Variants in UQCC1 observed in about 807,000 individuals in gnomAD.
The protein encoded by UQCC1 is ubiquinol-cytochrome c reductase complex assembly factor 1.
UQCC1 carries 38 observed loss-of-function variants against 48.0 expected under a neutral mutation model. The ratio of observed to expected loss-of-function variants is 0.79; its 90% CI spans 0.61 to 1.04. The LOEUF is 1.04. Ranked by LOEUF, UQCC1 falls within the 50% of genes least tolerant of loss-of-function variation. UQCC1 has a pLI of 0.00. For missense variants in UQCC1, 368 were observed against 381.8 expected, an observed-to-expected ratio of 0.96 and a Z score of 0.30; for synonymous variants, 111 against 129.2, an observed-to-expected ratio of 0.86 and a Z score of 0.95.
At chr20:35,336,147 T>C (rs2061314357) in intron 7 of UQCC1, among the ~76,000 whole-genome samples, 1 of 152,232 alleles carries the variant, frequency 6.6e-6, no homozygotes, top group African/African-American at 2.4e-5. Context: ...GCTAGAGCCA[T>C]AGTTTTTAGT....
At chr20:35,366,758 C>A in intron 5 of UQCC1, 144 bp from the exon 6 acceptor site, 2 of 625,296 alleles carry the variant, frequency 3.2e-6, no homozygotes, top group South Asian at 2.2e-5. Context: ...AGGGCGAGAC[C>A]ACAGGATAAA....
rs79605280 is a variant in UQCC1 at position 35,376,343 on chromosome 20, C to T, written c.334-2087G>A. Among the ~76,000 whole-genome samples, 571 of 151,966 alleles carry T rather than the reference C, an allele frequency of 3.8e-3. 2 individuals are homozygous for T. The highest frequency in any genetic ancestry group is 0.016 in the South Asian group (79 of 4,810). The stretch of plus-strand genomic sequence containing the variant: ...TCAATAAAATTGATAACCTATAAAA[C>T]TGATCAAGGAAAAAGAAAAGCCCAA... On this transcript the variant is annotated intron_variant, in intron 4 of 9. Coordinates refer to ENST00000374385, the MANE Select transcript of UQCC1 (RefSeq NM_018244.5).
intron 1 of UQCC1, among the ~76,000 whole-genome samples, chr20:35,400,015 T>A (rs62210587): frequency 0.54 from 77,054 of 142,974 alleles, 21,802 homozygotes; most frequent in East Asian, 0.73. Flanking sequence ...AACCTTCACC[T>A]CCTGGATTCA....
chr20:35,362,031 A>G (rs1030633528), intron 6 of UQCC1, among the ~76,000 whole-genome samples: 1 of 152,234 alleles, frequency 6.6e-6, no homozygotes, highest in Non-Finnish European at 1.5e-5. Context: ...GGGAGTCTCT[A>G]CAAATCTGTT....
intron 6 of UQCC1, among the ~76,000 whole-genome samples, chr20:35,352,813 G>C (rs536608626): frequency 3.4e-4 from 51 of 152,154 alleles, no homozygotes; most frequent in African/African-American, 1.2e-3. Flanking sequence ...ATCCTAAGTA[G>C]CTAGGACTAC....
intron 7 of UQCC1, chr20:35,345,497 A>AT (rs2061421888): frequency 6.6e-6 from 1 of 152,208 alleles, no homozygotes; most frequent in African/African-American, 2.4e-5. Flanking sequence ...AGAGCTGAAA[A>AT]AATACTTTTT....
intron 1 of UQCC1, among the ~76,000 whole-genome samples, chr20:35,410,330 G>A (rs577235661): frequency 3.3e-5 from 5 of 151,448 alleles, no homozygotes; most frequent in Non-Finnish European, 5.9e-5. Flanking sequence ...TCAGGAGTTC[G>A]AGACCAGTCT....
rs566877540 is a variant in UQCC1 at position 35,404,012 on chromosome 20, C to T, written c.24+7928G>A. On this transcript the variant is annotated intron_variant, in intron 1 of 9. Transcript: ENST00000374385. Reference sequence around the variant, plus strand: ...AAGCACTTTGGGAGGCCGAGGAGGGCGGATCACAAGGTCAGGAGATCGAGA... The same window carrying T: ...AAGCACTTTGGGAGGCCGAGGAGGGTGGATCACAAGGTCAGGAGATCGAGA... Among the ~76,000 whole-genome samples, 4 of 151,800 alleles carry T rather than the reference C, an allele frequency of 2.6e-5. No homozygotes were observed. The Middle Eastern group carries it at 0.01, about 387-fold the overall frequency.
intron 8 of UQCC1, chr20:35,309,279 A>C: frequency 2.4e-6 from 1 of 425,498 alleles, no homozygotes; most frequent in Non-Finnish European, 4.8e-6. Context: ...AAAAAATATA[A>C]AAATTAGCCA....
In UQCC1 at chr20:35,384,039, T is replaced by A. The variant is rs187841461; in HGVS notation, c.224A>T (p.Lys75Met). The change falls in exon 3 of 10, where the codon AAG (lysine) becomes ATG (methionine). Residue 75 changes from lysine to methionine, a missense_variant and splice_region_variant. Transcript: ENST00000374385. ...QLNRKYHTTR[K>M]LSTTKDSPQP... ...ACAGAATGCACTGATAATTCTCACC[T>A]TACGTGTGGTGTGATACTTCCTATT... 1.7e-5 allele frequency: 27 copies of A among 1,610,944 alleles called. No individual in the cohort carries two copies. The East Asian group carries it at 5.4e-4, about 32-fold the overall frequency.
chr20:35,375,950 A>G (rs993604309), intron 4 of UQCC1, among the ~76,000 whole-genome samples: 14 of 142,412 alleles, frequency 9.8e-5, no homozygotes, highest in Non-Finnish European at 2.2e-4. Flanking sequence ...CCTTGCCTAA[A>G]AAAAAAAAAA....
chr20:35,312,246 C>T (rs76290940), intron 8 of UQCC1, among the ~76,000 whole-genome samples: 1,770 of 152,182 alleles, frequency 0.012, 40 homozygotes, highest in African/African-American at 0.039. Context: ...CAATTCCCAA[C>T]CCATAACCCC....
rs147058474 is a variant in UQCC1 at position 35,327,015 on chromosome 20, G to A, written c.574-12250C>T. Among the ~76,000 whole-genome samples the A allele has an allele frequency of 5.9e-3, 900 of 152,250 alleles. 4 individuals are homozygous for A. Among genetic ancestry groups the A allele is most frequent in the Non-Finnish European group, 9.7e-3 (663 of 68,018 alleles). The stretch of plus-strand genomic sequence containing the variant: ...AAGGCAACACTGAGATCACTGACCC[G>A]AGTCCTTTCCCAGCGATCCTAAAAT... On this transcript the variant is annotated intron_variant, in intron 7 of 9. Coordinates refer to ENST00000374385, the MANE Select transcript of UQCC1 (RefSeq NM_018244.5).
chr20:35,367,794 G>GA, intron 5 of UQCC1, among the ~76,000 whole-genome samples: 1 of 152,058 alleles, frequency 6.6e-6, no homozygotes, highest in South Asian at 2.1e-4. Flanking sequence ...AAGATCAGGC[G>GA]AAAAAAATCA....
chr20:35,329,952 C>A (rs370654858), intron 7 of UQCC1, among the ~76,000 whole-genome samples: 1 of 152,222 alleles, frequency 6.6e-6, no homozygotes, highest in South Asian at 2.1e-4. Flanking sequence ...CAACCCTTAA[C>A]GATTTGGCAT....
intron 7 of UQCC1, among the ~76,000 whole-genome samples, chr20:35,323,456 T>C (rs547859628): frequency 1.3e-5 from 2 of 152,228 alleles, no homozygotes; most frequent in Admixed American, 6.5e-5. Context: ...ATCAGAAATA[T>C]GAAAAGGTAA....
intron 7 of UQCC1, 95 bp downstream of exon 7, chr20:35,347,069 A>T (rs1266325384): frequency 6.2e-7 from 1 of 1,613,486 alleles, no homozygotes. Context: ...TTTCACAGAA[A>T]TCTAAAAGCA....
chr20:35,383,623 G>C (rs2061902444), intron 3 of UQCC1, among the ~76,000 whole-genome samples: 1 of 152,274 alleles, frequency 6.6e-6, no homozygotes, highest in South Asian at 2.1e-4. Context: ...GCTGAGGCAG[G>C]AGGATCGCTT....
intron 7 of UQCC1, among the ~76,000 whole-genome samples, chr20:35,329,047 T>C (rs553852757): frequency 3.5e-4 from 53 of 152,266 alleles, no homozygotes; most frequent in African/African-American, 1.2e-3. Flanking sequence ...AATAAAACCA[T>C]ACAAATTAAT....
Sources: allele counts gnomAD v4.1 joint callset (sites outside exome capture counted in the v4.1 genomes callset), GRCh38; gene constraint gnomAD v4.1.1; transcripts MANE v1.5; gene names NCBI Gene and HGNC (gene_info 2026-07-23, HGNC 2026-07-21).